Variants in IWS1 observed in about 807,000 individuals in gnomAD.
IWS1 encodes the protein protein IWS1 homolog.
A neutral mutation model predicts 86.7 loss-of-function variants in IWS1; 27 were observed. The ratio of observed to expected loss-of-function variants is 0.31; its 90% confidence interval spans 0.23 to 0.43. IWS1 has a LOEUF of 0.43. Ranked by LOEUF, IWS1 falls within the 20% of genes least tolerant of loss-of-function variation. The probability of loss-of-function intolerance (pLI) is 1.00; values close to 1 mark genes in which losing one functional copy is unlikely to be tolerated. For synonymous variants in IWS1, 313 were observed against 335.1 expected (o/e 0.93, Z 0.72); for missense variants, 827 against 1,000.8 (o/e 0.83, Z 2.34).
At chr2:127,521,115 C>T (rs777553) in intron 2 of IWS1, among the ~76,000 whole-genome samples, 2,673 of 152,200 alleles carry the variant, frequency 0.018, 86 homozygotes, top group African/African-American at 0.06. Context: ...AAAAATTAGG[C>T]GTGGTAGCGC....
intron 1 of IWS1, among the ~76,000 whole-genome samples, chr2:127,524,427 G>C (rs1692272357): frequency 6.6e-6 from 1 of 151,986 alleles, no homozygotes; most frequent in Non-Finnish European, 1.5e-5. Flanking sequence ...CTGGCCTCAA[G>C]CAATCCTCCT....
At chr2:127,500,488 C>CT (rs1275193019) in intron 5 of IWS1, among the ~76,000 whole-genome samples, 5 of 151,686 alleles carry the variant, frequency 3.3e-5, no homozygotes, top group Admixed American at 6.6e-5. Flanking sequence ...ATCTTAAGTA[C>CT]TTTTTTTTGC....
At chr2:127,482,427 TAA>T (rs1689677524) in intron 13 of IWS1, 1 of 152,238 alleles carries the variant, frequency 6.6e-6, no homozygotes, top group Admixed American at 6.5e-5. Flanking sequence ...TGAGTAAGCA[TAA>T]AAAGTGTCAG....
intron 2 of IWS1, among the ~76,000 whole-genome samples, chr2:127,522,978 G>A (rs1341004013): frequency 1.3e-5 from 2 of 152,196 alleles, no homozygotes; most frequent in Non-Finnish European, 2.9e-5. Context: ...GAGAGGCTGA[G>A]GTGGGCAGAT....
At chr2:127,521,593 C>T (rs1692097855) in intron 2 of IWS1, among the ~76,000 whole-genome samples, 2 of 152,158 alleles carry the variant, frequency 1.3e-5, no homozygotes, top group South Asian at 2.1e-4. Flanking sequence ...GAGGTAAGAC[C>T]TACGGTTGGA....
chr2:127,489,763 A>C lies in IWS1; in HGVS notation c.2159+69T>G. 1 of 855,286 alleles carries C rather than the reference A, an allele frequency of 1.2e-6. No individual in the cohort carries two copies. The highest frequency in any genetic ancestry group is 1.4e-5 in the South Asian group (1 of 73,070). 53.0% of individuals were successfully genotyped at this position (855,286 alleles called of 1,614,324 possible). On this transcript the variant is annotated intron_variant, in intron 11 of 13. Transcript: ENST00000295321. The surrounding 1 kb of genome is among the most constrained non-coding windows in gnomAD (Gnocchi z 4.8). ...CTATCATCTTGCAGGCTTCCTAATG[A>C]TCTTACTTAAAACTGAGTTACTGCA...
chr2:127,502,776 A>T (rs748551434), intron 5 of IWS1, 39 bp downstream of exon 5: 1 of 1,161,412 alleles, frequency 8.6e-7, no homozygotes, highest in Non-Finnish European at 1.3e-6. Flanking sequence ...ACCAAAAAAA[A>T]GCACAATCAA....
At chr2:127,516,160 A>G (rs1299298296) in intron 2 of IWS1, among the ~76,000 whole-genome samples, 2 of 152,084 alleles carry the variant, frequency 1.3e-5, no homozygotes, top group African/African-American at 4.8e-5. Flanking sequence ...AAAAATACAG[A>G]AGGCAGCCTA....
At chr2:127,513,501 GAC>G (rs1291850066) in intron 2 of IWS1, among the ~76,000 whole-genome samples, 1 of 151,792 alleles carries the variant, frequency 6.6e-6, no homozygotes, top group African/African-American at 2.4e-5. Flanking sequence ...ATTAGGAAAA[GAC>G]AATTTGATAC....
Position 127,505,019 on chromosome 2 carries a change from G to A in IWS1, c.884C>T (p.Pro295Leu), listed in dbSNP as rs1343383187. The A allele has an allele frequency of 2.5e-6, 4 of 1,612,448 alleles. No individual in the cohort carries two copies. Among genetic ancestry groups the A allele is most frequent in the African/African-American group, 1.3e-5 (1 of 74,616 alleles). Residue 295 changes from proline (P) to leucine (L), a missense_variant, in exon 3 of 14, where the codon CCC becomes CTC. Physicochemically the swap from Pro to Leu is moderately conservative, Grantham distance 98. Coordinates refer to ENST00000295321, the MANE Select transcript of IWS1 (RefSeq NM_017969.3). The surrounding 1 kb of genome is among the most constrained non-coding windows in gnomAD (Gnocchi z 5.0). Reference sequence around the variant, plus strand: ...CTCAGAGTCACTGACTCGGGGTTTGGGTAGCTCCTCATTTTCCGAATCACT... The same window carrying A: ...CTCAGAGTCACTGACTCGGGGTTTGAGTAGCTCCTCATTTTCCGAATCACT... ...QASDSENEEL[P>L]KPRVSDSESE...
intron 2 of IWS1, among the ~76,000 whole-genome samples, chr2:127,521,120 T>C (rs1692069968): frequency 6.6e-6 from 1 of 152,120 alleles, no homozygotes; most frequent in Non-Finnish European, 1.5e-5. Flanking sequence ...TTAGGCGTGG[T>C]AGCGCACTGT....
intron 12 of IWS1, among the ~76,000 whole-genome samples, chr2:127,488,501 A>G (rs1439140002): frequency 1.3e-5 from 2 of 152,180 alleles, no homozygotes; most frequent in Non-Finnish European, 2.9e-5. Context: ...AGTCACCAAC[A>G]TATGACAGCT....
chr2:127,513,473 T>C (rs77724495), intron 2 of IWS1, among the ~76,000 whole-genome samples: 1 of 152,332 alleles, frequency 6.6e-6, no homozygotes, highest in South Asian at 2.1e-4. Context: ...TCTTTCCATG[T>C]ATGCTTCCAA....
rs1305564871 is a variant in IWS1, at chr2:127,492,151, A to G, written c.1930-63T>C. 12 of 1,004,876 alleles carry G rather than the reference A, an allele frequency of 1.2e-5. No homozygotes were observed. In the East Asian group the frequency reaches 2.2e-4, roughly 18 times the overall value. 62.2% of individuals were successfully genotyped at this position (1,004,876 alleles called of 1,614,324 possible). A position where few individuals can be genotyped will look rare whatever the true frequency, so the allele number is the denominator to read the frequency against. On this transcript the variant is annotated intron_variant, in intron 9 of 13. Coordinates refer to ENST00000295321, the MANE Select transcript of IWS1 (RefSeq NM_017969.3). Reference sequence around the variant, plus strand: ...CGGAAGCTGGGGGTCTTGCTAGTCTATTCTAGAGACCTGGCACATTCACAA... The same window carrying G: ...CGGAAGCTGGGGGTCTTGCTAGTCTGTTCTAGAGACCTGGCACATTCACAA...
At chr2:127,517,375 G>C (rs1005123987) in intron 2 of IWS1, among the ~76,000 whole-genome samples, 2 of 152,188 alleles carry the variant, frequency 1.3e-5, no homozygotes, top group African/African-American at 4.8e-5. Context: ...TAATACACTA[G>C]TACAGGCACA....
intron 2 of IWS1, among the ~76,000 whole-genome samples, chr2:127,517,304 A>G (rs926920922): frequency 1.3e-5 from 2 of 152,208 alleles, no homozygotes; most frequent in African/African-American, 4.8e-5. Context: ...AGAATCTTGA[A>G]AAAGAACAAA....
At chr2:127,520,209 G>A (rs963125441) in intron 2 of IWS1, among the ~76,000 whole-genome samples, 5 of 151,710 alleles carry the variant, frequency 3.3e-5, no homozygotes, top group East Asian at 3.9e-4. Flanking sequence ...TCGCTCTGTC[G>A]CCAGGCTGGA....
chr2:127,519,247 T>C (rs1363494630), intron 2 of IWS1, among the ~76,000 whole-genome samples: 1 of 152,238 alleles, frequency 6.6e-6, no homozygotes. Flanking sequence ...GCCCATTACA[T>C]ACATGTGTTA....
intron 2 of IWS1, among the ~76,000 whole-genome samples, chr2:127,507,748 C>T (rs1056783059): frequency 3.3e-5 from 5 of 152,174 alleles, no homozygotes; most frequent in Non-Finnish European, 7.3e-5. Context: ...GTCTCCAGAA[C>T]ATACACACAC....
Sources: allele counts gnomAD v4.1 joint callset (sites outside exome capture counted in the v4.1 genomes callset), GRCh38; gene constraint gnomAD v4.1.1; non-coding constraint Gnocchi (gnomAD v3.1); transcripts MANE v1.5; gene names NCBI Gene and HGNC (gene_info 2026-07-23, HGNC 2026-07-21).